Variants in DLGAP2 observed in about 807,000 individuals in gnomAD.
DLGAP2 encodes the protein DLG associated protein 2, also known as disks large-associated protein 2.
A neutral mutation model predicts 100.3 loss-of-function variants in DLGAP2; 26 were observed. The ratio of observed to expected loss-of-function variants is 0.26; its 90% confidence interval spans 0.19 to 0.36. DLGAP2 has a LOEUF of 0.36. Ranked by LOEUF, DLGAP2 falls within the 10% of genes least tolerant of loss-of-function variation. The pLI, the probability that DLGAP2 is intolerant of heterozygous loss-of-function variation, is 1.00. For missense variants in DLGAP2, 1,858 were observed against 1,453.2 expected, an observed-to-expected ratio of 1.28 and a Z score of -4.53; for synonymous variants, 886 against 630.1, an observed-to-expected ratio of 1.41 and a Z score of -6.08.
intron 4 of DLGAP2, among the ~76,000 whole-genome samples, chr8:1,512,921 G>T (rs112653840): frequency 2.0e-5 from 3 of 152,378 alleles, no homozygotes; most frequent in Non-Finnish European, 4.4e-5. Flanking sequence ...ATCTGTGTGT[G>T]CACGTTGGTG....
rs146901794 is a variant in DLGAP2 at position 1,289,231 on chromosome 8, T to G, written c.106+30348T>G. ...GATTCATCAAAAACCATTTAAAGAT[T>G]GGATGAGGTACATGGATCAGTAAGT... is the stretch of plus-strand genomic sequence containing the variant. On this transcript the variant is annotated intron_variant, in intron 3 of 14. Transcript: ENST00000637795. Among the ~76,000 whole-genome samples the G allele has an allele frequency of 6.1e-3, 936 of 152,290 alleles. 10 individuals carry two copies. Among genetic ancestry groups the G allele is most frequent in the African/African-American group, 0.021 (853 of 41,546 alleles).
intron 1 of DLGAP2, among the ~76,000 whole-genome samples, chr8:764,648 A>C (rs7825497): frequency 2.0e-5 from 3 of 152,016 alleles, no homozygotes; most frequent in Non-Finnish European, 2.9e-5. Flanking sequence ...TATTTTTCTA[A>C]TTAGATACAT....
chr8:1,218,357 G>A (rs1181561122), intron 2 of DLGAP2, among the ~76,000 whole-genome samples: 1 of 152,100 alleles, frequency 6.6e-6, no homozygotes, highest in East Asian at 1.9e-4. Flanking sequence ...CCATTCTCCA[G>A]TTGCTTGTTA....
At chr8:1,288,217 G>GT (rs1799984337) in intron 3 of DLGAP2, among the ~76,000 whole-genome samples, 2 of 98,420 alleles carry the variant, frequency 2.0e-5, no homozygotes, top group East Asian at 3.4e-4. Context: ...GTGTGTGTGT[G>GT]GTTAGGAGGG....
chr8:1,310,186 T>C (rs1248926322), intron 3 of DLGAP2, among the ~76,000 whole-genome samples: 3 of 151,744 alleles, frequency 2.0e-5, no homozygotes, highest in East Asian at 3.9e-4. Context: ...TTAAAATATA[T>C]ACGCAACAGG....
chr8:1,181,363 G>A (rs1797383675), intron 2 of DLGAP2, among the ~76,000 whole-genome samples: 1 of 152,246 alleles, frequency 6.6e-6, no homozygotes, highest in Non-Finnish European at 1.5e-5. Context: ...AATGGGAAGA[G>A]TGTTTTCTGT....
chr8:1,097,041 A>G (rs1196528736), intron 2 of DLGAP2, among the ~76,000 whole-genome samples: 2 of 136,696 alleles, frequency 1.5e-5, no homozygotes, highest in Admixed American at 7.2e-5. Context: ...GCAGGCCTTC[A>G]CCCTATGTGG....
At position 1,235,463 on chromosome 8, in the gene DLGAP2, C is replaced by G. The variant is rs186507704; in HGVS notation, c.74-23388C>G. On this transcript the variant is annotated intron_variant, in intron 2 of 14. Coordinates refer to ENST00000637795, the MANE Select transcript of DLGAP2 (RefSeq NM_001346810.2). ...TGGCGTCGTGTCTAGTTCCCTCTCACATGTTGCCGTGTCTAGTTCTCTATC... is the reference window on the plus strand; with the variant it reads ...TGGCGTCGTGTCTAGTTCCCTCTCAGATGTTGCCGTGTCTAGTTCTCTATC... Among the ~76,000 whole-genome samples the G allele has an allele frequency of 4.6e-5, 7 of 152,136 alleles. No individual in the cohort carries two copies. In the East Asian group the frequency reaches 1.2e-3, roughly 25 times the overall value.
At chr8:1,640,037 T>C (rs907811449) in intron 8 of DLGAP2, among the ~76,000 whole-genome samples, 8 of 152,230 alleles carry the variant, frequency 5.3e-5, no homozygotes, top group African/African-American at 1.9e-4. Flanking sequence ...AGGGGCGTTA[T>C]TCTGTTTACC....
chr8:1,502,240 T>G (rs1420546190), intron 4 of DLGAP2, among the ~76,000 whole-genome samples: 2 of 152,242 alleles, frequency 1.3e-5, no homozygotes, highest in Non-Finnish European at 2.9e-5. Context: ...GACAGCTGTC[T>G]GCAGTGACAG....
intron 3 of DLGAP2, among the ~76,000 whole-genome samples, chr8:1,489,971 A>G (rs1216868620): frequency 2.0e-5 from 3 of 152,096 alleles, no homozygotes; most frequent in Non-Finnish European, 4.4e-5. Flanking sequence ...GGCTCACTGC[A>G]ACCTCCACCT....
At chr8:1,488,321 A>G (rs971094374) in intron 3 of DLGAP2, among the ~76,000 whole-genome samples, 1 of 152,090 alleles carries the variant, frequency 6.6e-6, no homozygotes. Context: ...TGGCTCTTCC[A>G]TGGAGGCCAC....
chr8:831,177 C>G (rs997753073), intron 1 of DLGAP2, among the ~76,000 whole-genome samples: 1 of 149,566 alleles, frequency 6.7e-6, no homozygotes, highest in African/African-American at 2.5e-5. Context: ...GGATTACAAG[C>G]ATGAGTCACC....
At chr8:1,508,044 A>C (rs987791136) in intron 4 of DLGAP2, among the ~76,000 whole-genome samples, 47 of 152,044 alleles carry the variant, frequency 3.1e-4, no homozygotes, top group African/African-American at 1.1e-3. Flanking sequence ...AGTTAATCAC[A>C]TGAAAGCTCA....
intron 1 of DLGAP2, among the ~76,000 whole-genome samples, chr8:819,597 C>T (rs994032542): frequency 7.2e-5 from 11 of 152,062 alleles, no homozygotes; most frequent in African/African-American, 2.7e-4. Flanking sequence ...TAATTAGTAA[C>T]GTTGGGCATG....
At chr8:787,782 A>G (rs6995315) in intron 1 of DLGAP2, among the ~76,000 whole-genome samples, 20,888 of 152,202 alleles carry the variant, frequency 0.14, 1,609 homozygotes, top group East Asian at 0.23. Context: ...GTATTTGCAC[A>G]GTGCCTCTAC....
chr8:1,584,522 G>A (rs1361824696), intron 6 of DLGAP2, among the ~76,000 whole-genome samples: 1 of 152,182 alleles, frequency 6.6e-6, no homozygotes, highest in Non-Finnish European at 1.5e-5. Flanking sequence ...TTCAGCTGGA[G>A]GGAAGCGGAG....
At chr8:1,105,837 A>G (rs1402110878) in intron 2 of DLGAP2, among the ~76,000 whole-genome samples, 1 of 142,782 alleles carries the variant, frequency 7.0e-6, no homozygotes, top group Admixed American at 7.0e-5. Context: ...GGGCCATTCT[A>G]GGAGGGTTTT....
intron 8 of DLGAP2, among the ~76,000 whole-genome samples, chr8:1,660,839 C>T (rs1798393304): frequency 6.6e-6 from 1 of 152,186 alleles, no homozygotes; most frequent in African/African-American, 2.4e-5. Flanking sequence ...AGCTAAATGG[C>T]CCAATTGTTT....
Sources: gnomAD v4.1 joint callset for allele counts (sites outside exome capture counted in the v4.1 genomes callset) on GRCh38, gnomAD v4.1.1 for gene constraint, MANE v1.5 for transcripts, NCBI Gene and HGNC (gene_info 2026-07-23, HGNC 2026-07-21) for gene names.